The following BSPRY variants were observed in gnomAD, a reference collection of about 807,000 sequenced individuals.
BSPRY encodes the protein B-box and SPRY domain containing.
A neutral mutation model predicts 38.0 loss-of-function variants in BSPRY; 33 were observed. That is an observed-to-expected ratio of 0.87 (90% CI 0.66 to 1.16). The LOEUF (loss-of-function observed/expected upper bound fraction) is 1.16. Among genes scored for constraint, BSPRY ranks in the 50% most tolerant of loss-of-function variants. BSPRY has a pLI of 0.00. For missense variants in BSPRY, 523 were observed against 533.2 expected (o/e 0.98, Z 0.19); for synonymous variants, 224 against 228.5 (o/e 0.98, Z 0.18).
chr9:113,358,224 G>A (rs1834095148), intron 2 of BSPRY, among the ~76,000 whole-genome samples: 2 of 150,522 alleles, frequency 1.3e-5, no homozygotes. Context: ...TTCTAGCCTG[G>A]GTGACAGAGC....
intron 1 of BSPRY, among the ~76,000 whole-genome samples, chr9:113,350,315 C>T (rs1833952009): frequency 6.6e-6 from 1 of 152,276 alleles, no homozygotes; most frequent in East Asian, 1.9e-4. Flanking sequence ...GCCTCTTCCC[C>T]CTGCTCCTAA....
intron 4 of BSPRY, among the ~76,000 whole-genome samples, chr9:113,364,394 T>A (rs1834210391): frequency 6.6e-6 from 1 of 152,206 alleles, no homozygotes; most frequent in African/African-American, 2.4e-5. Context: ...CTTCTCCCCT[T>A]GTACAATCTT....
rs1448030197 is a variant in BSPRY at position 113,349,639 on chromosome 9, A to G, written c.60A>G (p.Pro20=). Residue 20 remains proline (P), a synonymous_variant, in exon 1 of 6, where the codon CCA becomes CCG. Coordinates refer to ENST00000374183, the MANE Select transcript of BSPRY (RefSeq NM_017688.3). ...CCGGGTCCGGGCCCGGGCCGGGGCC[A>G]CTCTGCCCCGAACACGGCCAGGCTC... The part of the protein sequence containing the change: ...PGSGSGPGPG[P]LCPEHGQALS... 3.3e-6 allele frequency: 4 copies of G among 1,222,586 alleles called. No individual in the cohort carries two copies. The African/African-American group carries it at 4.7e-5, about 15-fold the overall frequency. 75.7% of individuals were successfully genotyped at this position (1,222,586 alleles called of 1,614,324 possible).
At chr9:113,357,681 TTTTGTATC>T (rs1834081753) in intron 2 of BSPRY, among the ~76,000 whole-genome samples, 1 of 151,914 alleles carries the variant, frequency 6.6e-6, no homozygotes, top group South Asian at 2.1e-4. Context: ...TGGTCTACTC[TTTTGTATC>T]TTTGTCTTAA....
At chr9:113,358,902 A>G (rs1276329641) in intron 2 of BSPRY, among the ~76,000 whole-genome samples, 1 of 152,018 alleles carries the variant, frequency 6.6e-6, no homozygotes, top group Non-Finnish European at 1.5e-5. Context: ...GTTGCTCATG[A>G]CTGTAATCCC....
chr9:113,350,122 C>T (rs1055649031), intron 1 of BSPRY, among the ~76,000 whole-genome samples: 18 of 152,110 alleles, frequency 1.2e-4, no homozygotes, highest in Non-Finnish European at 2.6e-4. Context: ...TAAGGGGATC[C>T]AGGCTCCCCA....
chr9:113,353,715 A>C (rs966847036), intron 1 of BSPRY, among the ~76,000 whole-genome samples: 1 of 152,126 alleles, frequency 6.6e-6, no homozygotes, highest in African/African-American at 2.4e-5. Flanking sequence ...AAAATAAATA[A>C]ATAAAAAAAA....
intron 4 of BSPRY, among the ~76,000 whole-genome samples, chr9:113,365,995 A>G (rs1041219595): frequency 6.6e-6 from 1 of 151,844 alleles, no homozygotes; most frequent in African/African-American, 2.4e-5. Flanking sequence ...AGTGGAGACA[A>G]GGTTTCACCA....
In BSPRY at chr9:113,369,728, C is replaced by T. The variant is rs201947061; in HGVS notation, c.795C>T (p.Gly265=). 1.9e-6 allele frequency: 3 copies of T among 1,614,230 alleles called. No individual in the cohort carries two copies. Among genetic ancestry groups the T allele is most frequent in the Non-Finnish European group, 1.7e-6 (2 of 1,180,044 alleles). ...STKKSKACAD[G]PERFDHWPNA... is the part of the protein sequence containing the mutation. The stretch of plus-strand genomic sequence containing the variant: ...AGAAGTCAAAGGCCTGTGCAGATGG[C>T]CCGGAGCGCTTCGACCACTGGCCCA... The change falls in exon 6 of 6, where the codon GGC becomes GGT. Residue 265 remains glycine (G), a synonymous_variant. Transcript: ENST00000374183.
At chr9:113,354,724 A>G (rs1166661934) in intron 2 of BSPRY, among the ~76,000 whole-genome samples, 1 of 152,202 alleles carries the variant, frequency 6.6e-6, no homozygotes, top group Non-Finnish European at 1.5e-5. Context: ...AAATAGGAAA[A>G]TGGGTCCTTA....
chr9:113,369,118 C>A (rs1834298994), intron 5 of BSPRY, among the ~76,000 whole-genome samples: 1 of 151,844 alleles, frequency 6.6e-6, no homozygotes, highest in Non-Finnish European at 1.5e-5. Context: ...TAGATATTTG[C>A]TAGAAATTGC....
At chr9:113,362,464 T>G in intron 4 of BSPRY, 70 bp downstream of exon 4, 1 of 1,502,658 alleles carries the variant, frequency 6.7e-7, no homozygotes, top group Non-Finnish European at 9.3e-7. Flanking sequence ...CTCCACTGCC[T>G]TCAGCCCTGC....
Position 113,368,252 on chromosome 9 carries a change from A to C in BSPRY, c.558-7A>C. 6.2e-7 allele frequency: 1 copy of C among 1,613,838 alleles called. No homozygotes were observed. Among genetic ancestry groups the C allele is most frequent in the Non-Finnish European group, 8.5e-7 (1 of 1,179,842 alleles). On this transcript the variant is annotated splice_polypyrimidine_tract_variant and splice_region_variant and intron_variant, in intron 4 of 5. Transcript: ENST00000374183. Reference sequence around the variant, plus strand: ...TGAATCTCTGTCTCTGTTTTTCCCCATATAAGGACCGAAGAAGCAGAGGGC... The same window carrying C: ...TGAATCTCTGTCTCTGTTTTTCCCCCTATAAGGACCGAAGAAGCAGAGGGC...
intron 2 of BSPRY, among the ~76,000 whole-genome samples, chr9:113,355,954 T>A (rs1834050939): frequency 6.6e-6 from 1 of 152,148 alleles, no homozygotes; most frequent in Non-Finnish European, 1.5e-5. Flanking sequence ...TACCAATATT[T>A]CACCAGTTAT....
At chr9:113,353,574 A>G (rs181350294) in intron 1 of BSPRY, among the ~76,000 whole-genome samples, 22 of 152,158 alleles carry the variant, frequency 1.4e-4, no homozygotes, top group African/African-American at 5.1e-4. Flanking sequence ...GTGGTGACAC[A>G]CACCTGTAAT....
At chr9:113,362,174 GGTGT>G (rs10600721) in intron 3 of BSPRY, among the ~76,000 whole-genome samples, 191 bp from the exon 4 acceptor site, 11,044 of 141,270 alleles carry the variant, frequency 0.078, 560 homozygotes, top group East Asian at 0.19. Context: ...ATGTGTTATG[GGTGT>G]GTGTGTGTGT....
In BSPRY at chr9:113,349,734, G is replaced by T. The variant is rs954090690; in HGVS notation, c.155G>T (p.Arg52Leu). Residue 52 changes from arginine (R) to leucine (L), a missense_variant, in exon 1 of 6, where the codon CGG (arginine) becomes CTG (leucine). Arg to Leu is a moderately radical substitution (Grantham distance 102). Coordinates refer to ENST00000374183, the MANE Select transcript of BSPRY (RefSeq NM_017688.3). ...AACAGLGGRCRGHRIRRAEER... is the reference protein window; with the variant it reads ...AACAGLGGRCLGHRIRRAEER... ...TGCGCGGGGTTGGGCGGTCGCTGCC[G>T]GGGGCACCGCATCCGCCGGGCGGAG... The T allele has an allele frequency of 1.6e-6, 2 of 1,238,740 alleles. No individual in the cohort carries two copies. The highest frequency in any genetic ancestry group is 8.6e-5 in the Admixed American group (2 of 23,226). 76.7% of individuals were successfully genotyped at this position (1,238,740 alleles called of 1,614,324 possible). A position where few individuals can be genotyped will look rare whatever the true frequency, so the allele number is the denominator to read the frequency against.
chr9:113,370,148 G>A lies in BSPRY; in HGVS notation c.*6G>A, dbSNP rs746448780. On this transcript the variant is annotated 3_prime_UTR_variant, in exon 6 of 6. Coordinates refer to ENST00000374183, the MANE Select transcript of BSPRY (RefSeq NM_017688.3). This position sits in a 1 kb window ranked among gnomAD's most constrained non-coding sequence, Gnocchi z 4.8. ...CCATTTCTATCGTCCGCTGACCTCT[G>A]GCCACAGGAAGCCAGGTCCACCGCC... is the stretch of plus-strand genomic sequence containing the variant. The A allele has an allele frequency of 6.5e-7, 1 of 1,540,138 alleles. No homozygotes were observed. Among genetic ancestry groups the A allele is most frequent in the Non-Finnish European group, 8.7e-7 (1 of 1,144,482 alleles).
intron 2 of BSPRY, among the ~76,000 whole-genome samples, 193 bp from the exon 3 acceptor site, chr9:113,360,314 C>T (rs533171377): frequency 6.6e-6 from 1 of 152,164 alleles, no homozygotes; most frequent in African/African-American, 2.4e-5. Flanking sequence ...TTTCTTTACC[C>T]TAAACCATAT....
Sources: allele counts gnomAD v4.1 joint callset (sites outside exome capture counted in the v4.1 genomes callset), GRCh38; gene constraint gnomAD v4.1.1; non-coding constraint Gnocchi (gnomAD v3.1); transcripts MANE v1.5; gene names NCBI Gene and HGNC (gene_info 2026-07-23, HGNC 2026-07-21).